The following RABL3 variants were observed in gnomAD, a reference collection of about 807,000 sequenced individuals.
The protein encoded by RABL3 is RAB, member of RAS oncogene family like 3, also known as rab-like protein 3.
Under a neutral mutation model 31.8 loss-of-function variants are expected in RABL3, and 31 were observed. The observed-to-expected ratio is 0.97, with a 90% CI of 0.73 to 1.31. The LOEUF (loss-of-function observed/expected upper bound fraction) is 1.31. Ranked by LOEUF, RABL3 falls within the 40% of genes most tolerant of loss-of-function variation. The pLI is 0.00. For missense variants in RABL3, 263 were observed against 279.6 expected, an observed-to-expected ratio of 0.94 and a Z score of 0.42; for synonymous variants, 97 against 99.9, an observed-to-expected ratio of 0.97 and a Z score of 0.18.
intron 2 of RABL3, among the ~76,000 whole-genome samples, chr3:120,717,831 A>T (rs983932598): frequency 6.6e-6 from 1 of 152,190 alleles, no homozygotes; most frequent in Admixed American, 6.5e-5. Context: ...CAGTGTCTTG[A>T]GAACTAACTA....
chr3:120,741,917 CA>C (rs997240466), intron 1 of RABL3, among the ~76,000 whole-genome samples: 3 of 152,172 alleles, frequency 2.0e-5, no homozygotes, highest in Non-Finnish European at 1.5e-5. Flanking sequence ...ACTCCGCGTT[CA>C]AAAGGATTCT....
intron 2 of RABL3, among the ~76,000 whole-genome samples, chr3:120,718,222 C>T (rs993852506): frequency 6.6e-6 from 1 of 152,186 alleles, no homozygotes; most frequent in African/African-American, 2.4e-5. Context: ...AACACAACTT[C>T]TCCTTATGTC....
At chr3:120,735,717 T>A in intron 1 of RABL3, among the ~76,000 whole-genome samples, 1 of 152,220 alleles carries the variant, frequency 6.6e-6, no homozygotes, top group Non-Finnish European at 1.5e-5. Flanking sequence ...CTGCTTTAAA[T>A]GTGTCCCAGA....
intron 7 of RABL3, among the ~76,000 whole-genome samples, chr3:120,690,093 G>T (rs1708362015): frequency 6.6e-6 from 1 of 152,050 alleles, no homozygotes. Context: ...ACAAATTGGT[G>T]ATAGTGTCAT....
chr3:120,693,293 A>C (rs1284755895), intron 6 of RABL3, among the ~76,000 whole-genome samples: 1 of 152,186 alleles, frequency 6.6e-6, no homozygotes, highest in Non-Finnish European at 1.5e-5. Flanking sequence ...ATTAAATCCC[A>C]AATTATCTAA....
At chr3:120,712,901 T>C (rs769984258) in intron 2 of RABL3, among the ~76,000 whole-genome samples, 25 of 152,112 alleles carry the variant, frequency 1.6e-4, no homozygotes, top group Non-Finnish European at 2.8e-4. Flanking sequence ...AGGAAGTTTG[T>C]TAAAAAATAC....
rs4676823 is a variant in RABL3, at chr3:120,688,039, G to A, written c.*1784C>T. On this transcript the variant is annotated 3_prime_UTR_variant, in exon 8 of 8. Transcript: ENST00000273375. ...CTCAAACTCCTGATATCAAGTGATC[G>A]ACCCGCCTCCCAAAGTGTTGGGATT... 3 of 151,966 alleles carry A rather than the reference G, an allele frequency of 2.0e-5. No individual in the cohort carries two copies. Among genetic ancestry groups the A allele is most frequent in the Non-Finnish European group, 2.9e-5 (2 of 68,028 alleles). 9.4% of individuals were successfully genotyped at this position (151,966 alleles called of 1,614,324 possible). A position where few individuals can be genotyped will look rare whatever the true frequency, so the allele number is the denominator to read the frequency against.
chr3:120,694,986 C>T (rs1414866827), intron 5 of RABL3, among the ~76,000 whole-genome samples: 5 of 150,210 alleles, frequency 3.3e-5, no homozygotes, highest in African/African-American at 1.2e-4. Flanking sequence ...TGCTTGTCAC[C>T]ATTGACTTGT....
chr3:120,690,923 A>T (rs1305037609), intron 6 of RABL3, among the ~76,000 whole-genome samples: 1 of 152,192 alleles, frequency 6.6e-6, no homozygotes, highest in African/African-American at 2.4e-5. Flanking sequence ...ATAGCAAACC[A>T]CCACATCCCT....
At chr3:120,727,916 TAGA>T (rs1418655990) in intron 2 of RABL3, among the ~76,000 whole-genome samples, 1 of 152,228 alleles carries the variant, frequency 6.6e-6, no homozygotes, top group East Asian at 1.9e-4. Flanking sequence ...GTAATAGGAA[TAGA>T]AGGACATTTC....
chr3:120,696,592 AACACACACACACACAC>A (rs3037698), intron 5 of RABL3, among the ~76,000 whole-genome samples: 3 of 147,466 alleles, frequency 2.0e-5, no homozygotes, highest in African/African-American at 5.0e-5. Context: ...AAGTAGGAAT[AACACACACACACACAC>A]ACACACACAC....
chr3:120,722,238 C>T (rs986328895), intron 2 of RABL3: 1 of 152,090 alleles, frequency 6.6e-6, no homozygotes, highest in African/African-American at 2.4e-5. Context: ...ATTGAACAAC[C>T]TTCCACTAAC....
chr3:120,710,741 A>C (rs978819144), intron 2 of RABL3, among the ~76,000 whole-genome samples: 3 of 152,032 alleles, frequency 2.0e-5, no homozygotes, highest in Admixed American at 1.3e-4. Flanking sequence ...ACACAATTCA[A>C]TTCTCAGCAT....
At chr3:120,738,621 C>A (rs942327270) in intron 1 of RABL3, 1 of 152,270 alleles carries the variant, frequency 6.6e-6, no homozygotes, top group Admixed American at 6.5e-5. Context: ...TGGAACCACT[C>A]CCTTAATTTT....
chr3:120,733,898 C>A (rs965273783), intron 1 of RABL3, among the ~76,000 whole-genome samples: 4 of 151,510 alleles, frequency 2.6e-5, no homozygotes, highest in Non-Finnish European at 4.4e-5. Context: ...CTGTTCTGTT[C>A]CATTGGTCTA....
At chr3:120,725,431 A>G (rs1461808960) in intron 2 of RABL3, among the ~76,000 whole-genome samples, 2 of 152,138 alleles carry the variant, frequency 1.3e-5, no homozygotes, top group Non-Finnish European at 2.9e-5. Flanking sequence ...ATTTGACCCA[A>G]CCATCCCATT....
intron 2 of RABL3, among the ~76,000 whole-genome samples, chr3:120,715,486 G>A (rs1309367486): frequency 3.3e-5 from 5 of 152,166 alleles, no homozygotes; most frequent in Admixed American, 6.5e-5. Flanking sequence ...GCAGTGAGCC[G>A]ATATGGTGCC....
upstream of RABL3, chr3:120,742,610 G>A: frequency 8.7e-7 from 1 of 1,154,374 alleles, no homozygotes; most frequent in Non-Finnish European, 1.3e-6. Context: ...CACTCGGAGC[G>A]TGACTGTCTT....
chr3:120,739,883 AG>A (rs1709021022), intron 1 of RABL3, among the ~76,000 whole-genome samples: 1 of 152,236 alleles, frequency 6.6e-6, no homozygotes, highest in Admixed American at 6.5e-5. Context: ...AGAATTGTAT[AG>A]CTCTCCATGA....
Sources: gnomAD v4.1 joint callset for allele counts (sites outside exome capture counted in the v4.1 genomes callset) on GRCh38, gnomAD v4.1.1 for gene constraint, MANE v1.5 for transcripts, NCBI Gene and HGNC (gene_info 2026-07-23, HGNC 2026-07-21) for gene names.